The following ZNF385D variants were observed in gnomAD, a reference collection of about 807,000 sequenced individuals.
ZNF385D encodes zinc finger protein 659.
Under a neutral mutation model 35.8 loss-of-function variants are expected in ZNF385D, and 15 were observed. The observed-to-expected ratio is 0.42, with a 90% CI of 0.28 to 0.64. The LOEUF (loss-of-function observed/expected upper bound fraction) is 0.64. Ranked by LOEUF, ZNF385D falls within the 30% of genes least tolerant of loss-of-function variation. The probability of loss-of-function intolerance (pLI) is 0.23; values close to 1 mark genes in which losing one functional copy is unlikely to be tolerated. For synonymous variants in ZNF385D, 212 were observed against 186.8 expected, an observed-to-expected ratio of 1.13 and a Z score of -1.10; for missense variants, 474 against 494.6, an observed-to-expected ratio of 0.96 and a Z score of 0.39.
At chr3:21,792,109 G>A (rs991904172) in intron 3 of ZNF385D, among the ~76,000 whole-genome samples, 2 of 152,172 alleles carry the variant, frequency 1.3e-5, no homozygotes, top group Non-Finnish European at 2.9e-5. Flanking sequence ...CCCAAACTTT[G>A]GGACTTCTTT....
chr3:22,007,507 A>C (rs955839403), intron 3 of ZNF385D, among the ~76,000 whole-genome samples: 2 of 152,226 alleles, frequency 1.3e-5, no homozygotes, highest in Non-Finnish European at 1.5e-5. Flanking sequence ...ATGTGGCTAT[A>C]AATGGCATTC....
rs2070987257 is a variant in ZNF385D at position 21,769,592 on chromosome 3, C to T, written c.326-104564G>A. 2.0e-5 allele frequency among the ~76,000 whole-genome samples: 2 copies of T among 99,634 alleles called. 1 individual carries two copies. Among genetic ancestry groups the T allele is most frequent in the Non-Finnish European group, 3.9e-5 (2 of 51,172 alleles). 65.4% of individuals were successfully genotyped at this position (99,634 alleles called of 152,430 possible). ...CTGCTCAAGGAAATAAAAGAGGATA[C>T]AAACAAATGGAAGAACATTCCATGC... On this transcript the variant is annotated intron_variant, in intron 3 of 5. Coordinates refer to the ZNF385D transcript ENST00000494108.
At chr3:22,006,028 A>C (rs1286162350) in intron 3 of ZNF385D, among the ~76,000 whole-genome samples, 1 of 152,086 alleles carries the variant, frequency 6.6e-6, no homozygotes, top group African/African-American at 2.4e-5. Flanking sequence ...CTATAAATGT[A>C]AAAAGAAAGA....
chr3:22,298,492 A>T (rs1215455616), intron 2 of ZNF385D, among the ~76,000 whole-genome samples: 1 of 146,140 alleles, frequency 6.8e-6, no homozygotes, highest in East Asian at 2.0e-4. Flanking sequence ...TTTATATATA[A>T]TATATAAATA....
Position 22,226,614 on chromosome 3 carries a change from A to G in ZNF385D, c.107-57579T>C, listed in dbSNP as rs73145070. Reference sequence around the variant, plus strand: ...ACTTACCAGGCAGAACATAAAATTCATTTGTTTATGATATGCTTTGCTATG... The same window carrying G: ...ACTTACCAGGCAGAACATAAAATTCGTTTGTTTATGATATGCTTTGCTATG... On this transcript the variant is annotated intron_variant, in intron 2 of 5. Coordinates refer to the ZNF385D transcript ENST00000494108. Among the ~76,000 whole-genome samples the G allele has an allele frequency of 7.7e-3, 1,174 of 152,286 alleles. 18 individuals carry two copies. The highest frequency in any genetic ancestry group is 0.027 in the African/African-American group (1,108 of 41,562).
chr3:21,509,997 C>T (rs9862072), intron 4 of ZNF385D, among the ~76,000 whole-genome samples: 96,330 of 152,066 alleles, frequency 0.63, 30,889 homozygotes, highest in African/African-American at 0.75. Flanking sequence ...GATCCTCTTT[C>T]AGTTAAGACA....
chr3:21,566,363 G>A (rs1448125822), intron 2 of ZNF385D, among the ~76,000 whole-genome samples: 2 of 152,156 alleles, frequency 1.3e-5, no homozygotes, highest in African/African-American at 4.8e-5. Flanking sequence ...GATAGCTCAT[G>A]CCTATAATCC....
chr3:21,654,131 T>C (rs2066003511), intron 2 of ZNF385D, among the ~76,000 whole-genome samples: 1 of 152,014 alleles, frequency 6.6e-6, no homozygotes. Context: ...AATTAAAAAA[T>C]AAAGTTTCTT....
intron 1 of ZNF385D, among the ~76,000 whole-genome samples, chr3:21,714,059 G>C (rs2068220564): frequency 6.6e-6 from 1 of 151,998 alleles, no homozygotes; most frequent in Non-Finnish European, 1.5e-5. Flanking sequence ...TTGGTTCTTT[G>C]CTCCCTTGGC....
intron 3 of ZNF385D, among the ~76,000 whole-genome samples, chr3:22,053,148 G>A (rs1181029498): frequency 2.3e-5 from 2 of 86,356 alleles, no homozygotes. Context: ...AGCAATCAGC[G>A]AGATTCCGTG....
chr3:22,221,643 T>A (rs951712190), intron 2 of ZNF385D, among the ~76,000 whole-genome samples: 4 of 152,140 alleles, frequency 2.6e-5, no homozygotes, highest in Admixed American at 1.3e-4. Flanking sequence ...GCGTTTTTGA[T>A]CCTTTTAATA....
At chr3:22,172,164 A>T (rs1694498506) in intron 2 of ZNF385D, among the ~76,000 whole-genome samples, 1 of 152,182 alleles carries the variant, frequency 6.6e-6, no homozygotes, top group African/African-American at 2.4e-5. Flanking sequence ...AACCATTAAG[A>T]CACTGGAAAG....
chr3:21,638,437 T>G (rs1053951742), intron 2 of ZNF385D, among the ~76,000 whole-genome samples: 6 of 152,058 alleles, frequency 3.9e-5, no homozygotes, highest in African/African-American at 1.2e-4. Context: ...TATTTCTAAG[T>G]GCAGAGGTCC....
At chr3:22,097,812 C>G (rs908774111) in intron 3 of ZNF385D, among the ~76,000 whole-genome samples, 1 of 152,014 alleles carries the variant, frequency 6.6e-6, no homozygotes, top group Admixed American at 6.6e-5. Flanking sequence ...ACATTTCTGT[C>G]TAGATACCCC....
chr3:22,159,278 TA>T (rs1489050925), intron 3 of ZNF385D, among the ~76,000 whole-genome samples: 1 of 152,218 alleles, frequency 6.6e-6, no homozygotes, highest in African/African-American at 2.4e-5. Context: ...CTATCTCAAA[TA>T]GATTATATTT....
intron 3 of ZNF385D, among the ~76,000 whole-genome samples, chr3:21,551,564 C>G (rs2062570064): frequency 6.6e-6 from 1 of 152,158 alleles, no homozygotes. Flanking sequence ...ACTTAATAAG[C>G]TTACATCTTG....
Position 21,708,511 on chromosome 3 carries a change from T to C in ZNF385D, c.22+42384A>G, listed in dbSNP as rs570012827. Among the ~76,000 whole-genome samples the C allele has an allele frequency of 3.9e-5, 6 of 152,350 alleles. No homozygotes were observed. In the South Asian group the frequency reaches 1.0e-3, roughly 26 times the overall value. ...ATTCCTGAATGTTCCAGTCTACTTA[T>C]TGGCTTCTCCTGACCCATGGACATT... On this transcript the variant is annotated intron_variant, in intron 1 of 7. Transcript: ENST00000281523.
chr3:22,066,461 C>CATGTGTGTGTGTGTGT (rs1553602038), intron 3 of ZNF385D, among the ~76,000 whole-genome samples: 4 of 98,112 alleles, frequency 4.1e-5, no homozygotes, highest in Non-Finnish European at 7.9e-5. Flanking sequence ...GATGGTTCCC[C>CATGTGTGTGTGTGTGT]GTGTGTGTGT....
intron 2 of ZNF385D, among the ~76,000 whole-genome samples, chr3:22,221,973 T>C (rs1475637785): frequency 6.6e-6 from 1 of 152,064 alleles, no homozygotes; most frequent in Non-Finnish European, 1.5e-5. Context: ...GAAGATTTCA[T>C]TAACCATTCC....
Sources: gnomAD v4.1 joint callset for allele counts (sites outside exome capture counted in the v4.1 genomes callset) on GRCh38, gnomAD v4.1.1 for gene constraint, MANE v1.5 for transcripts, NCBI Gene and HGNC (gene_info 2026-07-23, HGNC 2026-07-21) for gene names.